The following CRYL1 variants were observed in gnomAD, a reference collection of about 807,000 sequenced individuals.
CRYL1 encodes the protein crystallin lambda 1.
Under a neutral mutation model 36.6 loss-of-function variants are expected in CRYL1, and 29 were observed. The ratio of observed to expected loss-of-function variants is 0.79; its 90% CI spans 0.59 to 1.08. The LOEUF (loss-of-function observed/expected upper bound fraction) is 1.08. Ranked by LOEUF, CRYL1 falls within the 50% of genes least tolerant of loss-of-function variation. CRYL1 has a pLI of 0.00. For missense variants in CRYL1, 411 were observed against 407.9 expected (o/e 1.01, Z -0.06); for synonymous variants, 152 against 151.5 (o/e 1.00, Z -0.02).
intron 2 of CRYL1, among the ~76,000 whole-genome samples, chr13:20,508,929 A>G (rs1308503978): frequency 6.8e-6 from 1 of 146,652 alleles, no homozygotes; most frequent in Non-Finnish European, 1.5e-5. Flanking sequence ...AGTGGCTCAC[A>G]CCTATAATCC....
chr13:20,470,333 C>T (rs908102830), intron 3 of CRYL1, among the ~76,000 whole-genome samples: 7 of 152,296 alleles, frequency 4.6e-5, no homozygotes, highest in Non-Finnish European at 7.3e-5. Flanking sequence ...ATGCAGGCAG[C>T]GGCCGCTGCA....
At chr13:20,518,301 C>T (rs1272126815) in intron 1 of CRYL1, among the ~76,000 whole-genome samples, 1 of 152,084 alleles carries the variant, frequency 6.6e-6, no homozygotes, top group Non-Finnish European at 1.5e-5. Context: ...GACTGAGAGG[C>T]AGAGAAATGT....
At chr13:20,471,932 C>T (rs919117547) in intron 3 of CRYL1, among the ~76,000 whole-genome samples, 1 of 152,122 alleles carries the variant, frequency 6.6e-6, no homozygotes, top group African/African-American at 2.4e-5. Context: ...ATGATCTCAG[C>T]TTACTGCAAC....
chr13:20,488,767 G>A (rs2033449109), intron 3 of CRYL1, among the ~76,000 whole-genome samples: 1 of 152,232 alleles, frequency 6.6e-6, no homozygotes, highest in Non-Finnish European at 1.5e-5. Flanking sequence ...AACAGGGCAG[G>A]GCCTGTGCGT....
At chr13:20,500,169 T>C (rs756763211) in intron 2 of CRYL1, among the ~76,000 whole-genome samples, 15 of 152,264 alleles carry the variant, frequency 9.9e-5, no homozygotes, top group Admixed American at 4.6e-4. Context: ...ATAACTTTTA[T>C]GGCTTTTTTG....
chr13:20,425,759 G>A lies in CRYL1; in HGVS notation c.633+6343C>T, dbSNP rs1364245797. ...TGGCTCCCCTTTGTGTAACCTCCCA[G>A]TCTGCCAAGGAGCTTCTAATTTACA... On this transcript the variant is annotated intron_variant, in intron 5 of 7. Transcript: ENST00000298248. This position sits in a 1 kb window ranked among gnomAD's most constrained non-coding sequence, Gnocchi z 4.4. Among the ~76,000 whole-genome samples, 2 of 152,156 alleles carry A rather than the reference G, an allele frequency of 1.3e-5. No homozygotes were observed. The highest frequency in any genetic ancestry group is 4.8e-5 in the African/African-American group (2 of 41,440).
intron 3 of CRYL1, among the ~76,000 whole-genome samples, chr13:20,488,905 G>T (rs1295126178): frequency 6.6e-6 from 1 of 152,182 alleles, no homozygotes; most frequent in Non-Finnish European, 1.5e-5. Flanking sequence ...CCCTCATGAG[G>T]ATTTCTCTTT....
At position 20,468,255 on chromosome 13, in the gene CRYL1, T is replaced by C. The variant is rs867444767; in HGVS notation, c.276+21115A>G. ...TGCCTACAATTTTCCAGTTTTGCAC[T>C]CTTCTCCAACTCAGCTATCTCTTCT... is the stretch of plus-strand genomic sequence containing the variant. On this transcript the variant is annotated intron_variant, in intron 3 of 7. Coordinates refer to ENST00000298248, the MANE Select transcript of CRYL1 (RefSeq NM_015974.3). 2.5e-4 allele frequency among the ~76,000 whole-genome samples: 38 copies of C among 152,224 alleles called. 1 individual carries two copies. The highest frequency in any genetic ancestry group is 8.0e-4 in the African/African-American group (33 of 41,450).
intron 2 of CRYL1, among the ~76,000 whole-genome samples, chr13:20,510,781 T>C (rs1437018954): frequency 3.3e-5 from 5 of 151,880 alleles, no homozygotes; most frequent in African/African-American, 7.3e-5. Context: ...CCCAGATAAT[T>C]TTTTTGATTT....
chr13:20,450,542 A>C (rs2032548042), intron 3 of CRYL1, among the ~76,000 whole-genome samples: 1 of 152,242 alleles, frequency 6.6e-6, no homozygotes, highest in Non-Finnish European at 1.5e-5. Context: ...GAAAGAATTT[A>C]TGACTAAGTC....
Position 20,518,719 on chromosome 13 carries a change from G to C in CRYL1, c.42-6169C>G, listed in dbSNP as rs148817679. The stretch of plus-strand genomic sequence containing the variant: ...CAGGAGACCAGCTGGGTGTCAGGAG[G>C]CTGGTGCCCGATGCGATGGGAGGCG... On this transcript the variant is annotated intron_variant, in intron 1 of 7. Transcript: ENST00000298248. Among the ~76,000 whole-genome samples the C allele has an allele frequency of 6.0e-3, 917 of 152,298 alleles. 33 individuals are homozygous for C. The South Asian group carries it at 0.1, about 17-fold the overall frequency.
chr13:20,451,087 C>T (rs2032562194), intron 3 of CRYL1, among the ~76,000 whole-genome samples: 1 of 151,360 alleles, frequency 6.6e-6, no homozygotes, highest in Non-Finnish European at 1.5e-5. Context: ...GGAGGGATAG[C>T]ATTAGGAGAT....
At chr13:20,408,699 C>T (rs1468066807) in intron 6 of CRYL1, among the ~76,000 whole-genome samples, 2 of 152,096 alleles carry the variant, frequency 1.3e-5, no homozygotes, top group South Asian at 2.1e-4. Context: ...TTCTTATACA[C>T]CAACAACAGA....
chr13:20,424,074 T>C (rs2031880215), intron 5 of CRYL1, among the ~76,000 whole-genome samples: 3 of 152,124 alleles, frequency 2.0e-5, no homozygotes, highest in Admixed American at 2.0e-4. Context: ...CGGCCGGGAA[T>C]GGGCTCTGAT....
At chr13:20,413,471 G>T in intron 5 of CRYL1, 84 bp from the exon 6 acceptor site, 1 of 811,904 alleles carries the variant, frequency 1.2e-6, no homozygotes, top group Non-Finnish European at 2.0e-6. Flanking sequence ...CTTCTTTAGA[G>T]CAGGATCCCA....
At chr13:20,456,434 C>A (rs1381573736) in intron 3 of CRYL1, among the ~76,000 whole-genome samples, 1 of 148,860 alleles carries the variant, frequency 6.7e-6, no homozygotes, top group African/African-American at 2.5e-5. Context: ...AAGATTCCAC[C>A]ACTGCACTCC....
chr13:20,482,631 A>G (rs2033300918), intron 3 of CRYL1, among the ~76,000 whole-genome samples: 1 of 152,214 alleles, frequency 6.6e-6, no homozygotes, highest in East Asian at 1.9e-4. Context: ...GTTGGGTAGA[A>G]AACAATCCAC....
Position 20,519,527 on chromosome 13 carries a change from C to G in CRYL1, c.41+6227G>C, listed in dbSNP as rs1297898759. Reference sequence around the variant, plus strand: ...CCTGTAATCCCAGCACTTTAGGAGGCTGAAGTAGGTACATGGCTTGCACCC... The same window carrying G: ...CCTGTAATCCCAGCACTTTAGGAGGGTGAAGTAGGTACATGGCTTGCACCC... On this transcript the variant is annotated intron_variant, in intron 1 of 7. Coordinates refer to ENST00000298248, the MANE Select transcript of CRYL1 (RefSeq NM_015974.3). Among the ~76,000 whole-genome samples the G allele has an allele frequency of 2.8e-5, 4 of 145,422 alleles. No individual in the cohort carries two copies. In the Admixed American group the frequency reaches 2.8e-4, roughly 10 times the overall value.
intron 3 of CRYL1, among the ~76,000 whole-genome samples, chr13:20,479,837 C>G (rs1283471229): frequency 1.3e-5 from 2 of 152,198 alleles, no homozygotes; most frequent in Non-Finnish European, 2.9e-5. Context: ...TGGCCCAGCC[C>G]TGGGGACAGA....
Sources: gnomAD v4.1 joint callset for allele counts (sites outside exome capture counted in the v4.1 genomes callset) on GRCh38, gnomAD v4.1.1 for gene constraint, Gnocchi (gnomAD v3.1) non-coding constraint, MANE v1.5 for transcripts, NCBI Gene and HGNC (gene_info 2026-07-23, HGNC 2026-07-21) for gene names.